Variants in SSX3 observed in about 807,000 individuals in gnomAD.
SSX3 encodes SSX family member 3.
Under a neutral mutation model 14.8 loss-of-function variants are expected in SSX3, and 6 were observed. The ratio of observed to expected loss-of-function variants is 0.41; its 90% confidence interval spans 0.22 to 0.80. The LOEUF is 0.80. SSX3 is among the 30% of genes least tolerant of loss of function. The pLI, the probability that SSX3 is intolerant of heterozygous loss-of-function variation, is 0.34. For synonymous variants in SSX3, 55 were observed against 52.9 expected, an observed-to-expected ratio of 1.04 and a Z score of -0.18; for missense variants, 163 against 152.2, an observed-to-expected ratio of 1.07 and a Z score of -0.37.
chrX:48,352,289 G>A (rs1168312879), intron 4 of SSX3, 140 bp from the exon 5 acceptor site: 2 of 772,400 alleles, frequency 2.6e-6, no homozygotes, highest in Admixed American at 2.6e-5. Flanking sequence ...ATTTGCTTCT[G>A]AATTATGTTT....
intron 6 of SSX3, among the ~76,000 whole-genome samples, chrX:48,348,720 T>C (rs1213763304): frequency 8.9e-6 from 1 of 112,500 alleles, no homozygotes; most frequent in Admixed American, 9.5e-5. Flanking sequence ...ATAATACTAA[T>C]ACTCCAGTGA....
At chrX:48,348,328 G>A in intron 6 of SSX3, 1 of 510,125 alleles carries the variant, frequency 2.0e-6, no homozygotes, top group South Asian at 2.6e-5. Flanking sequence ...TGTTTTGGGG[G>A]TACCAGGAAC....
At chrX:48,350,865 C>T (rs1482773203) in intron 5 of SSX3, among the ~76,000 whole-genome samples, 1 of 107,631 alleles carries the variant, frequency 9.3e-6, no homozygotes, top group Admixed American at 1.0e-4. Flanking sequence ...CTGACTCCCG[C>T]GTTTAAGCGA....
In SSX3 at chrX:48,346,505, A is replaced by G. The variant is rs782603896; in HGVS notation, c.*535T>C. On this transcript the variant is annotated 3_prime_UTR_variant, in exon 8 of 8. Coordinates refer to ENST00000298396, the MANE Select transcript of SSX3 (RefSeq NM_021014.4). ...GAGGGGAGTACATGCTGACCAGGAAACAGAGTGAGGGAAGCCTGACCAGGA... is the reference window on the plus strand; with the variant it reads ...GAGGGGAGTACATGCTGACCAGGAAGCAGAGTGAGGGAAGCCTGACCAGGA... The G allele has an allele frequency of 8.6e-6, 2 of 233,468 alleles. No individual in the cohort carries two copies. The highest frequency in any genetic ancestry group is 2.9e-5 in the African/African-American group (1 of 34,080). 19.2% of individuals were successfully genotyped at this position (233,468 alleles called of 1,213,427 possible).
intron 5 of SSX3, 130 bp downstream of exon 5, chrX:48,351,970 T>A: frequency 1.2e-6 from 1 of 855,706 alleles, no homozygotes; most frequent in Non-Finnish European, 1.7e-6. Context: ...CGGTGCTACA[T>A]CAGGTGTTGT....
chrX:48,352,445 A>G (rs1556950102), intron 4 of SSX3, among the ~76,000 whole-genome samples: 1 of 112,498 alleles, frequency 8.9e-6, no homozygotes, highest in Non-Finnish European at 1.9e-5. Context: ...TTGATTGGTT[A>G]GGAATCTGAA....
chrX:48,352,371 T>G, intron 4 of SSX3: 1 of 407,336 alleles, frequency 2.5e-6, no homozygotes, highest in South Asian at 3.5e-5. Flanking sequence ...ACATGGGGAC[T>G]ACACCCCATC....
At chrX:48,354,799 C>T in intron 2 of SSX3, 53 bp from the exon 3 acceptor site, 3 of 1,203,292 alleles carry the variant, frequency 2.5e-6, no homozygotes, top group Non-Finnish European at 3.4e-6. Flanking sequence ...GGCATGTCTG[C>T]CATTCAGCTG....
At position 48,354,074 on chromosome X, in the gene SSX3, A is replaced by G. The variant is rs782071109; in HGVS notation, c.205T>C (p.Ser69Pro). The G allele has an allele frequency of 1.9e-5, 23 of 1,205,898 alleles. No individual in the cohort carries two copies. In the African/African-American group the frequency reaches 1.9e-4, roughly 10 times the overall value. The stretch of plus-strand genomic sequence containing the variant: ...GTGACCCGTTTATTACGCATGAAAG[A>G]TGGGAGGATGGCCTTGAAACCTAGA... ...TKLGFKAILP[S>P]FMRNKRVTDF... Residue 69 changes from serine (S) to proline (P), a missense_variant, in exon 4 of 8, where the codon TCT becomes CCT. Transcript: ENST00000298396.
chrX:48,347,114 C>T, intron 7 of SSX3, 79 bp from the exon 8 acceptor site: 3 of 1,122,492 alleles, frequency 2.7e-6, no homozygotes, highest in Non-Finnish European at 3.6e-6. Context: ...TCCTCCTGAC[C>T]TGCAGACCCT....
At chrX:48,355,492 G>A (rs1283627418) in intron 1 of SSX3, among the ~76,000 whole-genome samples, 1 of 111,047 alleles carries the variant, frequency 9.0e-6, no homozygotes, top group Non-Finnish European at 1.9e-5. Context: ...GTTTCCTATG[G>A]GCAAAGCAGC....
intron 4 of SSX3, among the ~76,000 whole-genome samples, chrX:48,352,596 C>T (rs1362753437): frequency 8.9e-6 from 1 of 112,073 alleles, no homozygotes; most frequent in Non-Finnish European, 1.9e-5. Flanking sequence ...ATTTTCAGTA[C>T]AAAGACAGTC....
intron 6 of SSX3, chrX:48,349,439 C>A: frequency 1.0e-6 from 1 of 955,291 alleles, no homozygotes; most frequent in Non-Finnish European, 1.4e-6. Context: ...AAGGTATATA[C>A]ATTTTTAGAC....
intron 1 of SSX3, 146 bp from the exon 2 acceptor site, chrX:48,355,415 T>C (rs1569462150): frequency 5.5e-6 from 3 of 550,134 alleles, no homozygotes; most frequent in African/African-American, 4.7e-5. Flanking sequence ...AGTAAGGATA[T>C]GGGGAGAAAT....
chrX:48,350,077 C>A lies in SSX3; in HGVS notation c.376G>T (p.Val126Leu). The A allele has an allele frequency of 8.3e-7, 1 of 1,211,985 alleles. No homozygotes were observed. The change falls in exon 6 of 8, where the codon GTG becomes TTG. Residue 126 changes from valine to leucine, a missense_variant. Coordinates refer to ENST00000298396, the MANE Select transcript of SSX3 (RefSeq NM_021014.4). ...TTTTGTGGGCCAGATGCTTCTGGCA[C>A]TTCCTTCGAAACATTTCCTTCCTCT... Reference protein sequence around the residue: ...PAEEGNVSKEVPEASGPQNDG... With the variant: ...PAEEGNVSKELPEASGPQNDG...
At chrX:48,355,902 C>G (rs1194227945) in intron 1 of SSX3, among the ~76,000 whole-genome samples, 1 of 112,014 alleles carries the variant, frequency 8.9e-6, no homozygotes, top group Non-Finnish European at 1.9e-5. Flanking sequence ...ATCAGCCAGG[C>G]GCAGTGGCTC....
chrX:48,353,051 A>T, intron 4 of SSX3, among the ~76,000 whole-genome samples: 1 of 111,066 alleles, frequency 9.0e-6, no homozygotes. Flanking sequence ...CTCCTAAGAT[A>T]CCTATCCAAT....
Position 48,349,395 on chromosome X carries a change from G to A in SSX3, c.466+592C>T, listed in dbSNP as rs113618700. 59 of 779,382 alleles carry A rather than the reference G, an allele frequency of 7.6e-5. No homozygotes were observed. In the African/African-American group the frequency reaches 1.2e-3, roughly 16 times the overall value. 64.2% of individuals were successfully genotyped at this position (779,382 alleles called of 1,213,427 possible). On this transcript the variant is annotated intron_variant, in intron 6 of 7. Transcript: ENST00000298396. ...TGACTCACTGAAGGCTCAGAAGATT[G>A]TTAGCATTTTTAACAATGAATTATT...
chrX:48,355,716 C>T (rs368739777), intron 1 of SSX3, among the ~76,000 whole-genome samples: 42 of 111,343 alleles, frequency 3.8e-4, no homozygotes, highest in East Asian at 3.1e-3. Context: ...TCTGATCAGG[C>T]AGAGGGATGG....
Sources: allele counts gnomAD v4.1 joint callset (sites outside exome capture counted in the v4.1 genomes callset), GRCh38; gene constraint gnomAD v4.1.1; transcripts MANE v1.5; gene names NCBI Gene and HGNC (gene_info 2026-07-23, HGNC 2026-07-21).